EFNA5: variants seen among roughly 807,000 people sequenced by gnomAD.
EFNA5 encodes the protein ephrin-A5.
Under a neutral mutation model 22.9 loss-of-function variants are expected in EFNA5, and 5 were observed. The observed-to-expected ratio is 0.22, with a 90% CI of 0.11 to 0.46. The LOEUF (loss-of-function observed/expected upper bound fraction) is 0.46, where lower values mean the gene tolerates loss of function less well. Ranked by LOEUF, EFNA5 falls within the 20% of genes least tolerant of loss-of-function variation. The pLI is 0.99. For synonymous variants in EFNA5, 113 were observed against 112.2 expected (o/e 1.01, Z -0.04); for missense variants, 237 against 293.3 (o/e 0.81, Z 1.40).
intron 1 of EFNA5, among the ~76,000 whole-genome samples, chr5:107,450,100 G>A (rs1319867956): frequency 6.6e-6 from 1 of 152,162 alleles, no homozygotes; most frequent in African/African-American, 2.4e-5. Flanking sequence ...TATTAACGAC[G>A]GCAGAAAGCC....
At chr5:107,411,142 T>C (rs910266233) in intron 2 of EFNA5, among the ~76,000 whole-genome samples, 5 of 152,108 alleles carry the variant, frequency 3.3e-5, no homozygotes, top group Non-Finnish European at 7.4e-5. Flanking sequence ...ACACTAGAAA[T>C]ATAAGTGGTA....
chr5:107,433,194 G>A (rs759287943), intron 1 of EFNA5, among the ~76,000 whole-genome samples: 3 of 152,088 alleles, frequency 2.0e-5, no homozygotes, highest in Non-Finnish European at 4.4e-5. Flanking sequence ...ATTGTTCAAG[G>A]ATAAACTTCA....
At chr5:107,656,983 C>G (rs357110) in intron 1 of EFNA5, among the ~76,000 whole-genome samples, 34,172 of 151,928 alleles carry the variant, frequency 0.22, 4,460 homozygotes, top group East Asian at 0.55. Flanking sequence ...GTAATAGTTG[C>G]TACTGTAAAA....
intron 1 of EFNA5, among the ~76,000 whole-genome samples, chr5:107,439,591 T>A (rs1211957983): frequency 1.3e-5 from 2 of 152,202 alleles, no homozygotes; most frequent in Non-Finnish European, 2.9e-5. Context: ...GCACTTCTCA[T>A]GATACCCTGC....
intron 1 of EFNA5, among the ~76,000 whole-genome samples, chr5:107,597,143 A>G (rs963826644): frequency 6.6e-6 from 1 of 152,214 alleles, no homozygotes; most frequent in African/African-American, 2.4e-5. Context: ...TTTGATTACA[A>G]TATTTTAAAA....
At chr5:107,658,354 C>G (rs1750872399) in intron 1 of EFNA5, among the ~76,000 whole-genome samples, 2 of 152,078 alleles carry the variant, frequency 1.3e-5, no homozygotes, top group South Asian at 4.1e-4. Context: ...CTTTTTGGAC[C>G]AAGGTAGTAT....
At chr5:107,397,073 C>T (rs72785815) in intron 2 of EFNA5, among the ~76,000 whole-genome samples, 26,746 of 151,100 alleles carry the variant, frequency 0.18, 2,583 homozygotes, top group East Asian at 0.32. Context: ...AATGTTCTCA[C>T]TCCACTCTTT....
intron 1 of EFNA5, among the ~76,000 whole-genome samples, chr5:107,472,132 G>A (rs1336392929): frequency 6.6e-6 from 1 of 152,104 alleles, no homozygotes; most frequent in Non-Finnish European, 1.5e-5. Context: ...AAAAACAAGA[G>A]TAAATGTGGA....
chr5:107,606,393 G>A (rs1749724704), intron 1 of EFNA5, among the ~76,000 whole-genome samples: 1 of 152,050 alleles, frequency 6.6e-6, no homozygotes. Flanking sequence ...ATGAGTACAT[G>A]AAGCCACTTG....
chr5:107,565,279 G>C (rs1427038118), intron 1 of EFNA5, among the ~76,000 whole-genome samples: 1 of 152,166 alleles, frequency 6.6e-6, no homozygotes, highest in African/African-American at 2.4e-5. Context: ...TATCAAGATA[G>C]AGTTAGGAAA....
At chr5:107,599,405 A>G (rs900649982) in intron 1 of EFNA5, among the ~76,000 whole-genome samples, 6 of 150,574 alleles carry the variant, frequency 4.0e-5, no homozygotes, top group Non-Finnish European at 9.0e-5. Context: ...GGATTATAAA[A>G]CATATATTTG....
intron 2 of EFNA5, among the ~76,000 whole-genome samples, chr5:107,413,462 T>C (rs1748424315): frequency 6.6e-6 from 1 of 152,196 alleles, no homozygotes; most frequent in Admixed American, 6.5e-5. Flanking sequence ...CAATGGGCAC[T>C]GACTTCTTCA....
At chr5:107,527,433 T>C (rs1326633061) in intron 1 of EFNA5, among the ~76,000 whole-genome samples, 3 of 151,936 alleles carry the variant, frequency 2.0e-5, no homozygotes, top group East Asian at 1.9e-4. Context: ...ACTACAGGCA[T>C]ATGCCACCAT....
chr5:107,517,127 T>C (rs1169906861), intron 1 of EFNA5, among the ~76,000 whole-genome samples: 4 of 151,850 alleles, frequency 2.6e-5, no homozygotes. Flanking sequence ...AATTTTATGG[T>C]ATGTAAATTA....
intron 1 of EFNA5, among the ~76,000 whole-genome samples, chr5:107,482,866 CTCTCTATATATA>C (rs746360187): frequency 0.013 from 564 of 43,266 alleles, 5 homozygotes; most frequent in African/African-American, 0.046. Flanking sequence ...CTCTCTCTCT[CTCTCTATATATA>C]TATATATATA....
chr5:107,507,131 T>C (rs1010977681), intron 1 of EFNA5, among the ~76,000 whole-genome samples: 1 of 152,176 alleles, frequency 6.6e-6, no homozygotes, highest in African/African-American at 2.4e-5. Context: ...AAAAAACTTT[T>C]GTTCAAAAAT....
At chr5:107,654,699 T>A (rs992402722) in intron 1 of EFNA5, among the ~76,000 whole-genome samples, 3 of 152,112 alleles carry the variant, frequency 2.0e-5, no homozygotes, top group Non-Finnish European at 4.4e-5. Context: ...CTAAAGAGCA[T>A]CTTCTGTATT....
chr5:107,615,398 G>C (rs967328978), intron 1 of EFNA5, among the ~76,000 whole-genome samples: 15 of 152,234 alleles, frequency 9.9e-5, no homozygotes, highest in African/African-American at 3.4e-4. Context: ...TTCAGGGGGA[G>C]GGGGGAGTGG....
At chr5:107,530,175 ACTGTAAGT>A (rs1288441774) in intron 1 of EFNA5, among the ~76,000 whole-genome samples, 3 of 152,218 alleles carry the variant, frequency 2.0e-5, no homozygotes, top group Admixed American at 6.5e-5. Flanking sequence ...CTGTACATCC[ACTGTAAGT>A]CAGCAAGGGG....
Sources: allele counts gnomAD v4.1 joint callset (sites outside exome capture counted in the v4.1 genomes callset), GRCh38; gene constraint gnomAD v4.1.1; transcripts MANE v1.5; gene names NCBI Gene and HGNC (gene_info 2026-07-23, HGNC 2026-07-21).